Variants in ADGRL3 observed in about 807,000 individuals in gnomAD.
The protein encoded by ADGRL3 is adhesion G protein-coupled receptor L3, also known as calcium-independent alpha-latrotoxin receptor 3.
ADGRL3 carries 62 observed loss-of-function variants against 153.5 expected under a neutral mutation model. That is an observed-to-expected ratio of 0.40 (90% CI 0.33 to 0.50). ADGRL3 has a LOEUF of 0.50. ADGRL3 is among the 20% of genes least tolerant of loss of function. The pLI is 0.47. For synonymous variants in ADGRL3, 710 were observed against 672.5 expected (o/e 1.06, Z -0.86); for missense variants, 1,641 against 1,859.4 (o/e 0.88, Z 2.16).
intron 9 of ADGRL3, among the ~76,000 whole-genome samples, chr4:61,821,909 T>G (rs1229976896): frequency 6.6e-6 from 1 of 152,150 alleles, no homozygotes; most frequent in Non-Finnish European, 1.5e-5. Flanking sequence ...TAGCCAAAGA[T>G]TTACTATTAC....
intron 8 of ADGRL3, among the ~76,000 whole-genome samples, chr4:61,797,797 T>G (rs2097432945): frequency 6.6e-6 from 1 of 152,198 alleles, no homozygotes; most frequent in Non-Finnish European, 1.5e-5. Context: ...ATTGGTTAAT[T>G]TTCTCCTTCA....
intron 4 of ADGRL3, among the ~76,000 whole-genome samples, chr4:61,541,076 A>G (rs901600791): frequency 2.0e-5 from 3 of 152,182 alleles, no homozygotes; most frequent in Non-Finnish European, 4.4e-5. Flanking sequence ...GCAGGGTAGG[A>G]GGGGCACTCC....
At chr4:61,331,916 A>G (rs72614733) in intron 1 of ADGRL3, among the ~76,000 whole-genome samples, 19,138 of 152,054 alleles carry the variant, frequency 0.13, 1,411 homozygotes, top group South Asian at 0.27. Context: ...TCATTATAAT[A>G]TTAATGAGAG....
chr4:61,436,610 A>G (rs920384210), intron 2 of ADGRL3, among the ~76,000 whole-genome samples: 14 of 152,186 alleles, frequency 9.2e-5, no homozygotes, highest in African/African-American at 3.1e-4. Flanking sequence ...GGAAAGAAGT[A>G]AATACCAGGA....
At chr4:61,632,201 G>A (rs892244652) in intron 5 of ADGRL3, among the ~76,000 whole-genome samples, 1 of 151,908 alleles carries the variant, frequency 6.6e-6, no homozygotes, top group African/African-American at 2.4e-5. Context: ...TGAGTTTTTC[G>A]TTTTGAAATT....
At chr4:61,925,714 A>G (rs2098791468) in intron 13 of ADGRL3, among the ~76,000 whole-genome samples, 1 of 152,082 alleles carries the variant, frequency 6.6e-6, no homozygotes, top group African/African-American at 2.4e-5. Flanking sequence ...TGAGGACAAT[A>G]CCAAACCATG....
chr4:61,216,342 G>C (rs1447164365), intron 1 of ADGRL3, among the ~76,000 whole-genome samples: 4 of 151,744 alleles, frequency 2.6e-5, no homozygotes, highest in Non-Finnish European at 4.4e-5. Flanking sequence ...ATGATTTTAG[G>C]ATTTGGTATA....
intron 2 of ADGRL3, among the ~76,000 whole-genome samples, chr4:61,478,577 C>T (rs966029815): frequency 6.6e-6 from 1 of 152,032 alleles, no homozygotes; most frequent in African/African-American, 2.4e-5. Context: ...TTGTTTTTGG[C>T]TTCTGCTATG....
At chr4:61,637,043 A>G (rs575788933) in intron 5 of ADGRL3, among the ~76,000 whole-genome samples, 3 of 152,158 alleles carry the variant, frequency 2.0e-5, no homozygotes, top group Admixed American at 1.3e-4. Context: ...TTAAAGGTAC[A>G]TATAACAATA....
rs2096466810 is a variant in ADGRL3 at position 61,733,369 on chromosome 4, A to G, written c.1214A>G (p.Asn405Ser). The G allele has an allele frequency of 6.2e-7, 1 of 1,613,772 alleles. No individual in the cohort carries two copies. Among genetic ancestry groups the G allele is most frequent in the Non-Finnish European group, 8.5e-7 (1 of 1,179,824 alleles). ...YEDDDNEATG[N>S]KIDYIYNTDQ... is the part of the protein sequence containing the mutation. Reference sequence around the variant, plus strand: ...GATGATGACAATGAGGCTACTGGAAATAAGATTGACTACATTTACAACACT... The same window carrying G: ...GATGATGACAATGAGGCTACTGGAAGTAAGATTGACTACATTTACAACACT... The change falls in exon 8 of 27, where the codon AAT (asparagine) becomes AGT (serine). Residue 405 changes from asparagine (N) to serine (S), a missense_variant. Coordinates refer to ENST00000683033, the MANE Select transcript of ADGRL3 (RefSeq NM_001387552.1).
At chr4:61,676,678 A>G (rs1056256540) in intron 5 of ADGRL3, 148 bp from the exon 6 acceptor site, 1 of 619,302 alleles carries the variant, frequency 1.6e-6, no homozygotes, top group African/African-American at 1.8e-5. Context: ...TGTACTACAG[A>G]TATTTTCTTA....
chr4:61,730,423 T>C (rs1443618295), intron 6 of ADGRL3, among the ~76,000 whole-genome samples, 199 bp from the exon 7 acceptor site: 7 of 151,988 alleles, frequency 4.6e-5, no homozygotes, highest in East Asian at 3.9e-4. Flanking sequence ...TTTTAAAGCA[T>C]ATAATATGAT....
chr4:61,576,309 G>A (rs997328269), intron 4 of ADGRL3, among the ~76,000 whole-genome samples: 5 of 151,728 alleles, frequency 3.3e-5, no homozygotes, highest in Non-Finnish European at 7.4e-5. Flanking sequence ...ATACGATGTG[G>A]GGCTTTTCCT....
chr4:61,909,761 A>ATGTATGTGTG lies in ADGRL3; in HGVS notation c.2073+19_2073+20insATGTGTGTGT. On this transcript the variant is annotated intron_variant, in intron 12 of 26. Coordinates refer to ENST00000683033, the MANE Select transcript of ADGRL3 (RefSeq NM_001387552.1). ...TTTGAACAAGGTAAGGACCCTAATT[A>ATGTATGTGTG]TGTGTGTGTGTGTGTGTGTGTGTGT... 1.2e-5 allele frequency: 14 copies of ATGTATGTGTG among 1,194,556 alleles called. No individual in the cohort carries two copies. Among genetic ancestry groups the ATGTATGTGTG allele is most frequent in the Admixed American group, 2.4e-5 (1 of 41,060 alleles). 74.0% of individuals were successfully genotyped at this position (1,194,556 alleles called of 1,614,324 possible).
chr4:61,641,563 T>A, intron 5 of ADGRL3, among the ~76,000 whole-genome samples: 1 of 151,812 alleles, frequency 6.6e-6, no homozygotes. Context: ...TGCGATAGTT[T>A]ACTGAGAATG....
chr4:61,916,382 C>T (rs1191679721), intron 13 of ADGRL3, among the ~76,000 whole-genome samples: 1 of 151,930 alleles, frequency 6.6e-6, no homozygotes, highest in Non-Finnish European at 1.5e-5. Flanking sequence ...CCTACATAGC[C>T]CCAGCTACTT....
intron 6 of ADGRL3, among the ~76,000 whole-genome samples, chr4:61,681,324 G>T (rs56909451): frequency 6.6e-6 from 1 of 151,814 alleles, no homozygotes; most frequent in African/African-American, 2.4e-5. Context: ...ACAATTTCAC[G>T]CACATTACAC....
Position 61,676,963 on chromosome 4 carries a change from C to G in ADGRL3, c.583+28C>G, listed in dbSNP as rs2095214547. 4.3e-6 allele frequency: 6 copies of G among 1,405,072 alleles called. No homozygotes were observed. The Middle Eastern group carries it at 5.3e-4, about 125-fold the overall frequency. The allele number at this position is 1,405,072 out of a possible 1,614,324, so 87.0% of individuals were successfully genotyped here. ...ATGTATATTCCTATACTTTTCTTGG[C>G]AAGAGAAAAGATACTAAACTGTGTT... On this transcript the variant is annotated intron_variant, in intron 6 of 26. Coordinates refer to ENST00000683033, the MANE Select transcript of ADGRL3 (RefSeq NM_001387552.1).
intron 5 of ADGRL3, among the ~76,000 whole-genome samples, chr4:61,610,547 C>T (rs775040983): frequency 3.9e-5 from 6 of 151,930 alleles, no homozygotes; most frequent in Non-Finnish European, 5.9e-5. Flanking sequence ...TAAGAGTAAC[C>T]GTAGTCTAAG....
Sources: allele counts gnomAD v4.1 joint callset (sites outside exome capture counted in the v4.1 genomes callset), GRCh38; gene constraint gnomAD v4.1.1; transcripts MANE v1.5; gene names NCBI Gene and HGNC (gene_info 2026-07-23, HGNC 2026-07-21).